Variants in LARP1B observed in about 807,000 individuals in gnomAD.
LARP1B encodes la-related protein 1B.
In LARP1B, 76 loss-of-function variants were observed where a neutral mutation model predicts 114.2. That is an observed-to-expected ratio of 0.67 (90% CI 0.55 to 0.81). The LOEUF is 0.81. LARP1B is among the 30% of genes least tolerant of loss of function. LARP1B has a pLI of 0.00. For missense variants in LARP1B, 1,014 were observed against 1,075.8 expected, an observed-to-expected ratio of 0.94 and a Z score of 0.80; for synonymous variants, 345 against 348.0, an observed-to-expected ratio of 0.99 and a Z score of 0.10.
intron 14 of LARP1B, 129 bp from the exon 15 acceptor site, chr4:128,179,277 A>G (rs1747518979): frequency 2.0e-6 from 1 of 494,814 alleles, no homozygotes; most frequent in Non-Finnish European, 3.5e-6. Flanking sequence ...TTGTGACTTC[A>G]TATGATTTCA....
chr4:128,068,127 G>A (rs748950414), intron 1 of LARP1B, among the ~76,000 whole-genome samples: 2 of 152,048 alleles, frequency 1.3e-5, no homozygotes, highest in African/African-American at 2.4e-5. Flanking sequence ...TGATCCACCC[G>A]CCTCGGCCTC....
intron 5 of LARP1B, among the ~76,000 whole-genome samples, chr4:128,085,377 T>TTA (rs869302396): frequency 7.2e-5 from 10 of 138,996 alleles, no homozygotes; most frequent in Admixed American, 2.1e-4. Flanking sequence ...TTTTTTTTTT[T>TTA]AAATAAGTGA....
At chr4:128,188,273 C>G (rs569366593) in intron 15 of LARP1B, among the ~76,000 whole-genome samples, 1 of 152,184 alleles carries the variant, frequency 6.6e-6, no homozygotes, top group East Asian at 1.9e-4. Context: ...TGGGGTTTCT[C>G]CATGTTGGTC....
chr4:128,206,308 A>G (rs41278101), intron 17 of LARP1B, 120 bp from the exon 18 acceptor site: 116,379 of 581,204 alleles, frequency 0.2, 13,253 homozygotes, highest in Non-Finnish European at 0.24. Context: ...TAATTAAAAA[A>G]TCTGAATGCT....
intron 7 of LARP1B, among the ~76,000 whole-genome samples, chr4:128,096,597 TTTC>T (rs1224707559): frequency 6.6e-6 from 1 of 151,546 alleles, no homozygotes; most frequent in African/African-American, 2.4e-5. Context: ...CCTTAATGTC[TTTC>T]TTTTTTTTTT....
intron 3 of LARP1B, among the ~76,000 whole-genome samples, chr4:128,077,410 A>T (rs1768382678): frequency 6.6e-6 from 1 of 151,926 alleles, no homozygotes; most frequent in African/African-American, 2.4e-5. Flanking sequence ...CTGAGGCAGG[A>T]TAATTGCTTG....
At chr4:128,098,768 T>TATATATATATATATATATATATA (rs58280279) in intron 8 of LARP1B, among the ~76,000 whole-genome samples, 6 of 18,874 alleles carry the variant, frequency 3.2e-4, no homozygotes, top group African/African-American at 8.6e-4. Context: ...TATATATATA[T>TATATATATATATATATATATATA]TTTTTTTTTT....
intron 6 of LARP1B, among the ~76,000 whole-genome samples, chr4:128,220,085 A>G (rs928063308): frequency 2.0e-5 from 3 of 152,028 alleles, no homozygotes; most frequent in Admixed American, 6.6e-5. Context: ...GGGTTTCTCC[A>G]TGTTGGTCAG....
In LARP1B at chr4:128,075,877, T is replaced by C. The variant is rs1482295063; in HGVS notation, c.42+884T>C. 3.9e-5 allele frequency among the ~76,000 whole-genome samples: 6 copies of C among 152,200 alleles called. No homozygotes were observed. In the East Asian group the frequency reaches 1.2e-3, roughly 29 times the overall value. ...TTTCTTTAATAATGAAGACATATTA[T>C]AAATTGTAATCAAATTTTTATATTT... is the stretch of plus-strand genomic sequence containing the variant. On this transcript the variant is annotated intron_variant, in intron 3 of 19. Transcript: ENST00000326639.
chr4:128,104,128 T>G (rs1426095431), intron 8 of LARP1B, among the ~76,000 whole-genome samples: 3 of 151,810 alleles, frequency 2.0e-5, no homozygotes, highest in African/African-American at 7.3e-5. Flanking sequence ...TTGTAACTCA[T>G]AAGATTAGAG....
intron 1 of LARP1B, among the ~76,000 whole-genome samples, chr4:128,071,902 C>T (rs529176671): frequency 6.6e-6 from 1 of 152,186 alleles, no homozygotes; most frequent in South Asian, 2.1e-4. Flanking sequence ...TTTAAAGTAT[C>T]CTAGCCCTTA....
chr4:128,089,555 C>T (rs529742111), intron 5 of LARP1B, among the ~76,000 whole-genome samples: 20 of 151,786 alleles, frequency 1.3e-4, no homozygotes, highest in Non-Finnish European at 2.5e-4. Flanking sequence ...AGGCTGGTCT[C>T]GAACTCCTGA....
chr4:128,106,266 C>T (rs922093871), intron 8 of LARP1B, among the ~76,000 whole-genome samples: 1 of 152,166 alleles, frequency 6.6e-6, no homozygotes, highest in African/African-American at 2.4e-5. Flanking sequence ...TCGTGATCCA[C>T]CCGCCCCGGT....
Position 128,091,496 on chromosome 4 carries a change from T to C in LARP1B, c.652T>C (p.Tyr218His). Residue 218 changes from tyrosine to histidine, a missense_variant, in exon 7 of 20, where the codon TAT becomes CAT. Tyr to His is a moderately conservative substitution (Grantham distance 83, BLOSUM62 2). Coordinates refer to ENST00000326639, the MANE Select transcript of LARP1B (RefSeq NM_018078.4). ...TGTGGAAGAAGCATTGCTTAAAGAGTATATTAAGCGTCAAATGTAAGTGGA... is the reference window on the plus strand; with the variant it reads ...TGTGGAAGAAGCATTGCTTAAAGAGCATATTAAGCGTCAAATGTAAGTGGA... ...YPVEEALLKE[Y>H]IKRQIEYYFS... 1 of 1,603,160 alleles carries C rather than the reference T, an allele frequency of 6.2e-7. No individual in the cohort carries two copies. Among genetic ancestry groups the C allele is most frequent in the South Asian group, 1.1e-5 (1 of 87,924 alleles).
intron 11 of LARP1B, among the ~76,000 whole-genome samples, chr4:128,143,066 C>T (rs982519532): frequency 1.3e-5 from 2 of 151,926 alleles, no homozygotes; most frequent in East Asian, 3.9e-4. Context: ...GCAGGCTGAT[C>T]ATGAGGTCAA....
intron 9 of LARP1B, among the ~76,000 whole-genome samples, chr4:128,109,914 T>G (rs538169768): frequency 6.6e-6 from 1 of 152,014 alleles, no homozygotes; most frequent in African/African-American, 2.4e-5. Flanking sequence ...ATTTTTTTTG[T>G]TGTTGTTGAG....
At chr4:128,206,300 A>G (rs1446017414) in intron 17 of LARP1B, 128 bp from the exon 18 acceptor site, 3 of 570,422 alleles carry the variant, frequency 5.3e-6, no homozygotes, top group Non-Finnish European at 5.7e-6. Flanking sequence ...CTCAAAAATA[A>G]TTAAAAAATC....
intron 15 of LARP1B, 33 bp downstream of exon 15, chr4:128,179,545 C>T (rs769451453): frequency 9.2e-6 from 13 of 1,418,730 alleles, no homozygotes; most frequent in South Asian, 5.4e-5. Flanking sequence ...CTTTTTTGTT[C>T]GTGATTTGAA....
intron 9 of LARP1B, among the ~76,000 whole-genome samples, chr4:128,111,267 C>T (rs1380778455): frequency 6.6e-6 from 1 of 151,904 alleles, no homozygotes; most frequent in Non-Finnish European, 1.5e-5. Context: ...AGGCTGGTCT[C>T]GAACTCCTGA....
Sources: allele counts gnomAD v4.1 joint callset (sites outside exome capture counted in the v4.1 genomes callset), GRCh38; gene constraint gnomAD v4.1.1; transcripts MANE v1.5; gene names NCBI Gene and HGNC (gene_info 2026-07-23, HGNC 2026-07-21).